Variants in RBM33 observed in about 807,000 individuals in gnomAD.
RBM33 encodes RNA binding motif protein 33.
In RBM33, 28 loss-of-function variants were observed where a neutral mutation model predicts 132.6. The ratio of observed to expected loss-of-function variants is 0.21; its 90% confidence interval spans 0.16 to 0.29. RBM33 has a LOEUF of 0.29. Among genes scored for constraint, RBM33 ranks in the 10% least tolerant of loss-of-function variants. RBM33 has a pLI of 1.00. For missense variants in RBM33, 1,291 were observed against 1,518.5 expected (o/e 0.85, Z 2.49); for synonymous variants, 634 against 593.0 (o/e 1.07, Z -1.01).
intron 5 of RBM33, among the ~76,000 whole-genome samples, chr7:155,696,938 A>G (rs556812482): frequency 6.6e-6 from 1 of 152,198 alleles, no homozygotes; most frequent in Non-Finnish European, 1.5e-5. Context: ...TTTCATGATT[A>G]GCTTGAGGTT....
chr7:155,677,126 A>G (rs1431787443), intron 3 of RBM33, among the ~76,000 whole-genome samples: 2 of 151,924 alleles, frequency 1.3e-5, no homozygotes, highest in Admixed American at 6.6e-5. Context: ...CATAGCTCTC[A>G]CTTTCATAAT....
intron 3 of RBM33, among the ~76,000 whole-genome samples, chr7:155,673,946 T>TTTTTTTTTTTTTTTTTTTTC (rs1799095765): frequency 3.9e-5 from 1 of 25,764 alleles, no homozygotes; most frequent in Non-Finnish European, 8.8e-5. Flanking sequence ...CTTAGTTTTT[T>TTTTTTTTTTTTTTTTTTTTC]TTTTTTTTTT....
intron 7 of RBM33, among the ~76,000 whole-genome samples, chr7:155,710,440 G>A (rs4582430): frequency 0.75 from 114,538 of 151,756 alleles, 43,396 homozygotes; most frequent in African/African-American, 0.8. Context: ...TTTAGTCCAC[G>A]GCAGCTGTTG....
At position 155,734,766 on chromosome 7, in the gene RBM33, A is replaced by G. The variant is rs80010023; in HGVS notation, c.1261-2764A>G. ...AAGGAAACAGGCTGATTAATTGGAAAAGGATTTTTATTCAGAACCACCATT... is the reference window on the plus strand; with the variant it reads ...AAGGAAACAGGCTGATTAATTGGAAGAGGATTTTTATTCAGAACCACCATT... On this transcript the variant is annotated intron_variant, in intron 9 of 17. Transcript: ENST00000401878. 2.2e-3 allele frequency among the ~76,000 whole-genome samples: 340 copies of G among 152,236 alleles called. 2 individuals are homozygous for G. In the East Asian group the frequency reaches 0.036, roughly 16 times the overall value.
At position 155,736,129 on chromosome 7, in the gene RBM33, G is replaced by A. The variant is rs548249360; in HGVS notation, c.1261-1401G>A. ...AAGGGTTTGTGGTGTTTATACTAGT[G>A]TTCATTTTGTCTATTCTGTCAATGC... On this transcript the variant is annotated intron_variant, in intron 9 of 17. Transcript: ENST00000401878. 1.5e-3 allele frequency among the ~76,000 whole-genome samples: 227 copies of A among 152,286 alleles called. 4 individuals carry two copies. The highest frequency in any genetic ancestry group is 5.0e-3 in the African/African-American group (209 of 41,556).
chr7:155,664,067 C>T (rs1490055970), intron 1 of RBM33, among the ~76,000 whole-genome samples: 2 of 152,196 alleles, frequency 1.3e-5, no homozygotes, highest in African/African-American at 4.8e-5. Flanking sequence ...CCTTTCTTCA[C>T]TGTCCATTTC....
chr7:155,690,637 T>G (rs931271947), intron 5 of RBM33, among the ~76,000 whole-genome samples: 32 of 152,214 alleles, frequency 2.1e-4, no homozygotes, highest in African/African-American at 7.0e-4. Context: ...ACTGCTTTCT[T>G]CAGGAACTCT....
intron 16 of RBM33, among the ~76,000 whole-genome samples, chr7:155,767,718 G>C (rs10261487): frequency 0.016 from 2,458 of 152,302 alleles, 62 homozygotes; most frequent in African/African-American, 0.055. Flanking sequence ...TTAACCCAAA[G>C]CCTTGGCTTC....
At chr7:155,672,940 A>T in intron 3 of RBM33, 25 bp downstream of exon 3, 1 of 1,461,404 alleles carries the variant, frequency 6.8e-7, no homozygotes, top group Non-Finnish European at 9.4e-7. Context: ...TCCTTCTGAG[A>T]TGAAATACTA....
Position 155,656,784 on chromosome 7 carries a change from TC to T in RBM33, c.44-8390del, listed in dbSNP as rs558864844. 3.6e-3 allele frequency among the ~76,000 whole-genome samples: 546 copies of T among 152,340 alleles called. 13 individuals carry two copies. The highest frequency in any genetic ancestry group is 3.2e-3 in the Non-Finnish European group (216 of 68,032). On this transcript the variant is annotated intron_variant, in intron 1 of 17. Transcript: ENST00000401878. ...TGATTTGTTTCTTAAGTTTGACTAT[TC>T]TTTTTAAAATTATAGTCAGCCCAGT...
Position 155,774,756 on chromosome 7 carries a change from G to A in RBM33, c.3464+109G>A. 1.0e-6 allele frequency: 1 copy of A among 965,314 alleles called. No homozygotes were observed. Among genetic ancestry groups the A allele is most frequent in the Non-Finnish European group, 1.7e-6 (1 of 599,108 alleles). 59.8% of individuals were successfully genotyped at this position (965,314 alleles called of 1,614,324 possible). ...CAAGCGTGTGTCCCCACCTGTTCCT[G>A]TAGAAGGACACTAGGGCACAAAGCG... On this transcript the variant is annotated intron_variant, in intron 17 of 17. Transcript: ENST00000401878. The surrounding 1 kb of genome is among the most constrained non-coding windows in gnomAD (Gnocchi z 4.2).
chr7:155,680,373 T>C (rs1799304569), intron 4 of RBM33, among the ~76,000 whole-genome samples: 1 of 152,218 alleles, frequency 6.6e-6, no homozygotes, highest in African/African-American at 2.4e-5. Flanking sequence ...GCCGGCTCCA[T>C]ATAGCACAGT....
chr7:155,677,249 C>T (rs1039633124), intron 3 of RBM33, among the ~76,000 whole-genome samples: 22 of 141,506 alleles, frequency 1.6e-4, no homozygotes, highest in Non-Finnish European at 3.2e-4. Flanking sequence ...GATGGAGTTT[C>T]GTTCTTGTTT....
intron 1 of RBM33, among the ~76,000 whole-genome samples, chr7:155,664,579 C>A (rs1263044109): frequency 6.6e-6 from 1 of 152,092 alleles, no homozygotes; most frequent in Non-Finnish European, 1.5e-5. Context: ...GCCATACATA[C>A]TGTGATAATA....
Position 155,745,345 on chromosome 7 carries a change from A to G in RBM33, c.2722A>G (p.Lys908Glu). Residue 908 changes from lysine (K) to glutamate (E), a missense_variant, in exon 14 of 18, where the codon AAA becomes GAA. Around this residue, in one of 7 missense-constraint regions of RBM33, gnomAD observed 841 missense variants for 912.0 expected, o/e 0.92. Coordinates refer to ENST00000401878, the MANE Select transcript of RBM33 (RefSeq NM_053043.3). This position sits in a 1 kb window ranked among gnomAD's most constrained non-coding sequence, Gnocchi z 4.1. ...ANMQYQGQQM[K>E]ALKHLRQTRT... ...CATGCAGTATCAAGGACAACAGATG[A>G]AAGCACTGAAACATTTGAGACAGAC... 1 of 1,613,312 alleles carries G rather than the reference A, an allele frequency of 6.2e-7. No individual in the cohort carries two copies. The highest frequency in any genetic ancestry group is 8.5e-7 in the Non-Finnish European group (1 of 1,179,540).
intron 3 of RBM33, 62 bp downstream of exon 3, chr7:155,672,977 C>T (rs1798986435): frequency 8.7e-7 from 1 of 1,149,920 alleles, no homozygotes; most frequent in Non-Finnish European, 1.2e-6. Context: ...TAACATACAG[C>T]AGTAATCACT....
At chr7:155,677,221 CT>C (rs55977961) in intron 3 of RBM33, among the ~76,000 whole-genome samples, 13,370 of 140,232 alleles carry the variant, frequency 0.095, 1,174 homozygotes, top group African/African-American at 0.24. Context: ...TTCTTTTTTT[CT>C]TTTTTTTTTT....
chr7:155,761,423 G>A (rs1161249402), intron 14 of RBM33, among the ~76,000 whole-genome samples: 1 of 152,192 alleles, frequency 6.6e-6, no homozygotes, highest in Non-Finnish European at 1.5e-5. Context: ...ACTTACTGGT[G>A]AAGCTATTTG....
intron 11 of RBM33, chr7:155,738,618 AATTG>A (rs1326397532): frequency 2.8e-5 from 16 of 569,646 alleles, no homozygotes; most frequent in Admixed American, 3.4e-5. Flanking sequence ...ATTTTTTGGG[AATTG>A]AAAAATGCTA....
Sources: allele counts gnomAD v4.1 joint callset (sites outside exome capture counted in the v4.1 genomes callset), GRCh38; gene constraint gnomAD v4.1.1; regional missense constraint gnomAD v4.1.1; non-coding constraint Gnocchi (gnomAD v3.1); transcripts MANE v1.5; gene names NCBI Gene and HGNC (gene_info 2026-07-23, HGNC 2026-07-21).